The following ASPRV1 variants were observed in gnomAD, a reference collection of about 807,000 sequenced individuals.
The protein encoded by ASPRV1 is aspartic peptidase retroviral like 1.
In ASPRV1, 7 loss-of-function variants were observed where a neutral mutation model predicts 11.0. The ratio of observed to expected loss-of-function variants is 0.64; its 90% CI spans 0.36 to 1.20. The LOEUF (loss-of-function observed/expected upper bound fraction) is 1.20. Among genes scored for constraint, ASPRV1 ranks in the 50% most tolerant of loss-of-function variants. The pLI, the probability that ASPRV1 is intolerant of heterozygous loss-of-function variation, is 0.02. For synonymous variants in ASPRV1, 136 were observed against 138.4 expected, an observed-to-expected ratio of 0.98 and a Z score of 0.12; for missense variants, 299 against 320.0, an observed-to-expected ratio of 0.93 and a Z score of 0.50.
chr2:70,021,981 GGT>G, the ASPRV1 span, among the ~76,000 whole-genome samples: 10 of 151,796 alleles, frequency 6.6e-5, no homozygotes, highest in South Asian at 2.1e-4. Context: ...TGGGATTACA[GGT>G]GTGAGCCACC....
At chr2:70,024,550 A>G in the ASPRV1 span, among the ~76,000 whole-genome samples, 1 of 152,158 alleles carries the variant, frequency 6.6e-6, no homozygotes, top group Non-Finnish European at 1.5e-5. Flanking sequence ...ACCCCTGTCA[A>G]TCTGGCTCAG....
the ASPRV1 span, among the ~76,000 whole-genome samples, chr2:69,954,141 C>T: frequency 1.1e-4 from 17 of 152,244 alleles, no homozygotes; most frequent in African/African-American, 3.9e-4. Context: ...TCCCTGCCTC[C>T]AACCCTGCCC....
the ASPRV1 span, among the ~76,000 whole-genome samples, chr2:70,033,441 T>G: frequency 6.6e-6 from 1 of 152,104 alleles, no homozygotes; most frequent in Non-Finnish European, 1.5e-5. Flanking sequence ...ATTGTGTTTG[T>G]GTATTAGGGC....
the ASPRV1 span, among the ~76,000 whole-genome samples, chr2:69,986,237 G>A: frequency 6.6e-6 from 1 of 152,210 alleles, no homozygotes; most frequent in Admixed American, 6.5e-5. Context: ...TAGATTCATA[G>A]CTGAGCCTGC....
chr2:70,085,556 A>C, the ASPRV1 span: 1 of 152,222 alleles, frequency 6.6e-6, no homozygotes, highest in African/African-American at 2.4e-5. Context: ...CCAGTAAGGA[A>C]ATCTGGAGGT....
At chr2:69,950,261 C>A in the ASPRV1 span, among the ~76,000 whole-genome samples, 1 of 152,206 alleles carries the variant, frequency 6.6e-6, no homozygotes, top group Non-Finnish European at 1.5e-5. Flanking sequence ...CAACACAGCA[C>A]CCTTTTTAGC....
downstream of ASPRV1, among the ~76,000 whole-genome samples, chr2:69,958,942 G>A (rs1678000320): frequency 6.6e-6 from 1 of 152,158 alleles, no homozygotes; most frequent in South Asian, 2.1e-4. Context: ...GGCTGATGGA[G>A]CTAATTTCAG....
the ASPRV1 span, among the ~76,000 whole-genome samples, chr2:70,081,745 A>G: frequency 3.9e-4 from 60 of 151,934 alleles, no homozygotes; most frequent in Admixed American, 7.9e-4. Context: ...CACCACACCC[A>G]GTTAATGTTT....
At chr2:69,998,275 AC>A in the ASPRV1 span, 2 of 152,082 alleles carry the variant, frequency 1.3e-5, no homozygotes, top group African/African-American at 2.4e-5. Context: ...GTAAAAATTC[AC>A]TGAGATGTAT....
chr2:70,029,860 G>A, the ASPRV1 span: 2 of 152,150 alleles, frequency 1.3e-5, no homozygotes, highest in African/African-American at 2.4e-5. Context: ...CAAATGGTGG[G>A]AGAAAGGCAC....
chr2:69,947,482 GT>G, the ASPRV1 span, among the ~76,000 whole-genome samples: 2 of 152,082 alleles, frequency 1.3e-5, no homozygotes, highest in Admixed American at 6.5e-5. Context: ...TAGTAATTTT[GT>G]GAGAACCTGT....
At chr2:70,065,819 C>CAAAAAAAAAAAAAAAAAAAAAA in the ASPRV1 span, among the ~76,000 whole-genome samples, 1 of 67,448 alleles carries the variant, frequency 1.5e-5, no homozygotes, top group Non-Finnish European at 2.6e-5. Context: ...GCTTTTGACT[C>CAAAAAAAAAAAAAAAAAAAAAA]AAAAAAAAAA....
chr2:70,050,321 T>C, the ASPRV1 span: 2 of 151,800 alleles, frequency 1.3e-5, no homozygotes, highest in Non-Finnish European at 2.9e-5. Context: ...TACAGCCAGA[T>C]CCCAACCACT....
chr2:69,954,405 C>T, the ASPRV1 span, among the ~76,000 whole-genome samples: 9,891 of 152,246 alleles, frequency 0.065, 1,020 homozygotes, highest in African/African-American at 0.22. Flanking sequence ...CTTCTTAGAT[C>T]CAGATATACC....
the ASPRV1 span, among the ~76,000 whole-genome samples, chr2:70,043,064 T>C: frequency 6.6e-6 from 1 of 152,112 alleles, no homozygotes; most frequent in Non-Finnish European, 1.5e-5. Context: ...CTGTGAGAAT[T>C]CTAATCATAA....
At chr2:70,036,572 T>C in the ASPRV1 span, among the ~76,000 whole-genome samples, 2 of 152,204 alleles carry the variant, frequency 1.3e-5, no homozygotes, top group African/African-American at 4.8e-5. Context: ...TACACCAAAA[T>C]TGGAAGTGTA....
chr2:69,983,453 C>A, the ASPRV1 span, among the ~76,000 whole-genome samples: 1 of 152,170 alleles, frequency 6.6e-6, no homozygotes, highest in Non-Finnish European at 1.5e-5. Context: ...AGGATTTGGC[C>A]TGGGACTCTC....
the ASPRV1 span, among the ~76,000 whole-genome samples, chr2:70,005,030 C>A: frequency 6.6e-6 from 1 of 151,906 alleles, no homozygotes; most frequent in Non-Finnish European, 1.5e-5. Flanking sequence ...GCCCATGCCA[C>A]CCTCACACAG....
At chr2:69,948,820 C>T in the ASPRV1 span, among the ~76,000 whole-genome samples, 9 of 152,156 alleles carry the variant, frequency 5.9e-5, no homozygotes, top group African/African-American at 2.2e-4. Flanking sequence ...CCGCGAATGC[C>T]GTCCGGCTGA....
Sources: gnomAD v4.1 joint callset for allele counts (sites outside exome capture counted in the v4.1 genomes callset) on GRCh38, gnomAD v4.1.1 for gene constraint, MANE v1.5 for transcripts, NCBI Gene and HGNC (gene_info 2026-07-23, HGNC 2026-07-21) for gene names.